The following SPAM1 variants were observed in gnomAD, a reference collection of about 807,000 sequenced individuals.
The protein encoded by SPAM1 is sperm adhesion molecule 1.
In SPAM1, 22 loss-of-function variants were observed where a neutral mutation model predicts 29.6. The observed-to-expected ratio is 0.74, with a 90% confidence interval of 0.53 to 1.06. The LOEUF (loss-of-function observed/expected upper bound fraction) is 1.06. SPAM1 is among the 50% of genes least tolerant of loss of function. The pLI, the probability that SPAM1 is intolerant of heterozygous loss-of-function variation, is 0.00. For synonymous variants in SPAM1, 194 were observed against 204.6 expected (o/e 0.95, Z 0.44); for missense variants, 534 against 604.0 (o/e 0.88, Z 1.21).
At chr7:123,936,113 T>C (rs905870333) in intron 1 of SPAM1, among the ~76,000 whole-genome samples, 1 of 152,254 alleles carries the variant, frequency 6.6e-6, no homozygotes, top group Non-Finnish European at 1.5e-5. Flanking sequence ...TGTGGCTTTG[T>C]TGTAAGACTA....
chr7:123,961,335 A>C (rs76263338), downstream of SPAM1, among the ~76,000 whole-genome samples: 2,378 of 151,214 alleles, frequency 0.016, 55 homozygotes, highest in African/African-American at 0.055. Flanking sequence ...CATCCTTCCT[A>C]CTCTCTAATA....
intron 1 of SPAM1, among the ~76,000 whole-genome samples, chr7:123,929,863 A>AGAATTTAAAG (rs1554427452): frequency 6.6e-6 from 1 of 151,622 alleles, no homozygotes; most frequent in Non-Finnish European, 1.5e-5. Flanking sequence ...GCAGGGAAAA[A>AGAATTTAAAG]GAATTTAAAG....
rs915477308 is a variant in SPAM1, at chr7:123,946,613, C to A, written c.-318-3259C>A. On this transcript the variant is annotated intron_variant, in intron 1 of 4. Coordinates refer to ENST00000682466, the MANE Select transcript of SPAM1 (RefSeq NM_153189.3). Reference sequence around the variant, plus strand: ...TGCATTTGAGAGAGACATGAGACATCAGTCAGTATGTGTAAGATATACATT... The same window carrying A: ...TGCATTTGAGAGAGACATGAGACATAAGTCAGTATGTGTAAGATATACATT... Among the ~76,000 whole-genome samples, 8 of 152,104 alleles carry A rather than the reference C, an allele frequency of 5.3e-5. 1 individual carries two copies. Among genetic ancestry groups the A allele is most frequent in the Admixed American group, 5.2e-4 (8 of 15,254 alleles).
chr7:123,960,669 T>G (rs1792346722), downstream of SPAM1, among the ~76,000 whole-genome samples: 1 of 151,850 alleles, frequency 6.6e-6, no homozygotes, highest in African/African-American at 2.4e-5. Flanking sequence ...ACCGCCTCCT[T>G]CCTTTCCCCA....
chr7:123,933,055 T>A (rs1301427095), intron 1 of SPAM1, among the ~76,000 whole-genome samples: 1 of 151,854 alleles, frequency 6.6e-6, no homozygotes, highest in Non-Finnish European at 1.5e-5. Flanking sequence ...TTATTTTATT[T>A]TTTTTTTTTT....
intron 1 of SPAM1, among the ~76,000 whole-genome samples, chr7:123,933,107 G>A (rs1341514131): frequency 6.6e-6 from 1 of 151,420 alleles, no homozygotes; most frequent in Admixed American, 6.6e-5. Flanking sequence ...AGAATGTGTA[G>A]GTTTGTTACA....
intron 4 of SPAM1, among the ~76,000 whole-genome samples, chr7:123,958,245 G>A (rs1792288585): frequency 6.6e-6 from 1 of 151,952 alleles, no homozygotes; most frequent in African/African-American, 2.4e-5. Context: ...GCCTGATAAA[G>A]TATTAGCACA....
At chr7:123,942,419 C>CA (rs1300568473) in intron 1 of SPAM1, among the ~76,000 whole-genome samples, 2 of 152,158 alleles carry the variant, frequency 1.3e-5, no homozygotes, top group Admixed American at 6.5e-5. Context: ...GTTTGAAACA[C>CA]ATTTTTTCTT....
chr7:123,964,818 G>A (rs1792402300), downstream of SPAM1, among the ~76,000 whole-genome samples: 1 of 151,994 alleles, frequency 6.6e-6, no homozygotes, highest in South Asian at 2.1e-4. Context: ...TTATACAAAT[G>A]TTTTTAAGGG....
At chr7:123,943,963 G>A (rs1808501759) in intron 1 of SPAM1, among the ~76,000 whole-genome samples, 1 of 152,054 alleles carries the variant, frequency 6.6e-6, no homozygotes, top group South Asian at 2.1e-4. Flanking sequence ...ATTTCCATAA[G>A]CCTTTTTATA....
intron 1 of SPAM1, among the ~76,000 whole-genome samples, chr7:123,937,425 T>C (rs62472140): frequency 0.032 from 4,783 of 151,630 alleles, 103 homozygotes; most frequent in Non-Finnish European, 0.047. Context: ...CATGGTGAAA[T>C]CCCGTCTCTA....
downstream of SPAM1, among the ~76,000 whole-genome samples, chr7:123,962,259 C>T (rs964712922): frequency 4.6e-5 from 7 of 151,798 alleles, no homozygotes; most frequent in African/African-American, 1.7e-4. Context: ...TTGCGTTTCC[C>T]TGATGATTAG....
In SPAM1 at chr7:123,954,172, T is replaced by C; in HGVS notation, c.602T>C (p.Val201Ala). The change falls in exon 3 of 5, where the codon GTA becomes GCA. Residue 201 changes from valine to alanine, a missense_variant. Transcript: ENST00000682466. ...GAAAAGGCAGGGAAGGATTTCCTGG[T>C]AGAGACTATAAAATTGGGAAAATTA... is the stretch of plus-strand genomic sequence containing the variant. ...EFEKAGKDFL[V>A]ETIKLGKLLR... 6.2e-7 allele frequency: 1 copy of C among 1,613,462 alleles called. No homozygotes were observed. Among genetic ancestry groups the C allele is most frequent in the Non-Finnish European group, 8.5e-7 (1 of 1,179,656 alleles).
At chr7:123,933,565 A>C (rs188858565) in intron 1 of SPAM1, among the ~76,000 whole-genome samples, 1 of 152,312 alleles carries the variant, frequency 6.6e-6, no homozygotes, top group African/African-American at 2.4e-5. Context: ...GAACTAATGG[A>C]AGATAAGAAT....
At chr7:123,940,206 T>G (rs893070502) in intron 1 of SPAM1, among the ~76,000 whole-genome samples, 3 of 152,142 alleles carry the variant, frequency 2.0e-5, no homozygotes, top group African/African-American at 4.8e-5. Flanking sequence ...TAGTGAAATT[T>G]AAAGTATATC....
rs1792481393 is a variant in SPAM1, at chr7:123,970,302, T to A, written c.*48+6T>A. On this transcript the variant is annotated splice_donor_region_variant and intron_variant, in intron 6 of 6. Coordinates refer to the SPAM1 transcript ENST00000340011. ...CCTCTTCCCTTGGCTTACAGGTGAC[T>A]ATCTTCTCCTTGTGTCTTCCATATG... 4 of 1,531,304 alleles carry A rather than the reference T, an allele frequency of 2.6e-6. No individual in the cohort carries two copies. In the East Asian group the frequency reaches 9.8e-5, roughly 38 times the overall value. 94.9% of individuals were successfully genotyped at this position (1,531,304 alleles called of 1,614,324 possible).
intron 2 of SPAM1, among the ~76,000 whole-genome samples, chr7:123,950,409 C>T (rs1584956550): frequency 6.6e-6 from 1 of 151,870 alleles, no homozygotes; most frequent in Admixed American, 6.6e-5. Flanking sequence ...AATCCTCATC[C>T]CCCTCCCAAC....
intron 1 of SPAM1, among the ~76,000 whole-genome samples, chr7:123,942,042 A>G (rs1477974924): frequency 1.3e-5 from 2 of 152,218 alleles, no homozygotes; most frequent in Admixed American, 6.5e-5. Context: ...TCTGAAGTCT[A>G]TGAATCAGTA....
chr7:123,951,327 A>T (rs1483521961), intron 2 of SPAM1, among the ~76,000 whole-genome samples: 1 of 152,022 alleles, frequency 6.6e-6, no homozygotes, highest in Non-Finnish European at 1.5e-5. Flanking sequence ...GTCATAAATT[A>T]GTCTGTCTAA....
Sources: allele counts gnomAD v4.1 joint callset (sites outside exome capture counted in the v4.1 genomes callset), GRCh38; gene constraint gnomAD v4.1.1; transcripts MANE v1.5; gene names NCBI Gene and HGNC (gene_info 2026-07-23, HGNC 2026-07-21).